The following SYN3 variants were observed in gnomAD, a reference collection of about 807,000 sequenced individuals.
SYN3 encodes synapsin-3.
Under a neutral mutation model 65.8 loss-of-function variants are expected in SYN3, and 35 were observed. The observed-to-expected ratio is 0.53, with a 90% CI of 0.41 to 0.70. The LOEUF (loss-of-function observed/expected upper bound fraction) is 0.70. Among genes scored for constraint, SYN3 ranks in the 30% least tolerant of loss-of-function variants. The pLI, the probability that SYN3 is intolerant of heterozygous loss-of-function variation, is 0.00. For synonymous variants in SYN3, 270 were observed against 292.9 expected, an observed-to-expected ratio of 0.92 and a Z score of 0.80; for missense variants, 680 against 749.0, an observed-to-expected ratio of 0.91 and a Z score of 1.08.
chr22:32,976,919 G>A (rs1314330228), intron 3 of SYN3, among the ~76,000 whole-genome samples: 1 of 151,992 alleles, frequency 6.6e-6, no homozygotes, highest in Non-Finnish European at 1.5e-5. Context: ...CCCAAAATGT[G>A]AGGCCAGCTC....
chr22:33,011,115 A>T (rs952823585), intron 1 of SYN3, among the ~76,000 whole-genome samples: 6 of 152,122 alleles, frequency 3.9e-5, no homozygotes, highest in African/African-American at 1.4e-4. Flanking sequence ...TCCAATATTG[A>T]ACAGAAATCA....
chr22:33,042,465 G>C (rs532778362), intron 1 of SYN3, among the ~76,000 whole-genome samples: 3 of 152,332 alleles, frequency 2.0e-5, no homozygotes, highest in African/African-American at 7.2e-5. Flanking sequence ...CCAAACGGAC[G>C]TGGTAAATCA....
chr22:32,794,143 G>A (rs181392020), intron 6 of SYN3, among the ~76,000 whole-genome samples: 2 of 152,216 alleles, frequency 1.3e-5, no homozygotes, highest in African/African-American at 4.8e-5. Context: ...CAAAGCTTTT[G>A]CTTCCATGAA....
chr22:32,851,163 C>A (rs368290813), intron 6 of SYN3, among the ~76,000 whole-genome samples: 7 of 152,146 alleles, frequency 4.6e-5, no homozygotes, highest in African/African-American at 1.4e-4. Context: ...CACTTTGCAA[C>A]CTCTGGCAGA....
intron 6 of SYN3, among the ~76,000 whole-genome samples, chr22:32,857,059 G>A (rs1246745844): frequency 6.6e-6 from 1 of 152,180 alleles, no homozygotes; most frequent in Non-Finnish European, 1.5e-5. Flanking sequence ...CCATTCATCT[G>A]TTGATGGGCA....
intron 8 of SYN3, 45 bp from the exon 9 acceptor site, chr22:32,538,155 T>G: frequency 6.4e-7 from 1 of 1,552,518 alleles, no homozygotes; most frequent in Non-Finnish European, 8.9e-7. Context: ...GGGACCCTCG[T>G]CACTGATCTG....
chr22:32,785,308 T>C (rs1479137443), intron 6 of SYN3, among the ~76,000 whole-genome samples: 1 of 152,150 alleles, frequency 6.6e-6, no homozygotes, highest in Non-Finnish European at 1.5e-5. Flanking sequence ...TTGCCATTTT[T>C]TTCCTTGTGA....
chr22:32,616,630 T>A (rs1317580513), intron 6 of SYN3, among the ~76,000 whole-genome samples: 1 of 150,572 alleles, frequency 6.6e-6, no homozygotes, highest in Non-Finnish European at 1.5e-5. Context: ...GGGGACCAGA[T>A]CGCCTCTCTG....
At chr22:32,729,720 G>T (rs549905975) in intron 6 of SYN3, among the ~76,000 whole-genome samples, 1 of 152,282 alleles carries the variant, frequency 6.6e-6, no homozygotes, top group East Asian at 1.9e-4. Flanking sequence ...GCATCCACTT[G>T]CTCAGCAGGC....
At chr22:32,519,919 T>G (rs367908491) in intron 12 of SYN3, among the ~76,000 whole-genome samples, 122 of 152,258 alleles carry the variant, frequency 8.0e-4, no homozygotes, top group African/African-American at 2.8e-3. Context: ...GGGCTTCTAC[T>G]GAGCACCTAT....
At chr22:32,542,994 G>A (rs998012015) in intron 7 of SYN3, among the ~76,000 whole-genome samples, 11 of 151,630 alleles carry the variant, frequency 7.3e-5, no homozygotes, top group African/African-American at 9.8e-5. Context: ...CTGGGTCAGA[G>A]ACGGGCAGAG....
At chr22:32,693,312 G>A (rs887077720) in intron 6 of SYN3, among the ~76,000 whole-genome samples, 93 of 152,328 alleles carry the variant, frequency 6.1e-4, no homozygotes, top group African/African-American at 2.2e-3. Flanking sequence ...TCACAGGCAG[G>A]TAGTGTAGAG....
chr22:32,748,036 A>T (rs922918605), intron 6 of SYN3, among the ~76,000 whole-genome samples: 3 of 152,200 alleles, frequency 2.0e-5, no homozygotes, highest in African/African-American at 7.2e-5. Context: ...ATTGTGGAGC[A>T]GTGAAAAGAG....
chr22:32,820,075 T>C (rs1204691950), intron 6 of SYN3, among the ~76,000 whole-genome samples: 1 of 151,900 alleles, frequency 6.6e-6, no homozygotes, highest in African/African-American at 2.4e-5. Flanking sequence ...AGTGGGTGCT[T>C]TTCTGATTCC....
At chr22:32,783,320 C>T (rs2046118356) in intron 6 of SYN3, 1 of 152,184 alleles carries the variant, frequency 6.6e-6, no homozygotes. Flanking sequence ...TTGGAGTACA[C>T]TTGCTTCATC....
At chr22:33,026,014 A>C (rs2053636814) in intron 1 of SYN3, among the ~76,000 whole-genome samples, 3 of 152,302 alleles carry the variant, frequency 2.0e-5, no homozygotes, top group Non-Finnish European at 1.5e-5. Context: ...CTGTCCCACG[A>C]ATCCAAGGAG....
At chr22:32,604,497 T>C (rs1480154571) in intron 6 of SYN3, among the ~76,000 whole-genome samples, 1 of 148,112 alleles carries the variant, frequency 6.8e-6, no homozygotes, top group Non-Finnish European at 1.5e-5. Context: ...CCTCACACTC[T>C]TTTCTAGGCC....
At chr22:32,967,853 A>C (rs1404879540) in intron 3 of SYN3, among the ~76,000 whole-genome samples, 1 of 152,242 alleles carries the variant, frequency 6.6e-6, no homozygotes, top group Admixed American at 6.5e-5. Flanking sequence ...CCAGACCCCA[A>C]ATGGTACAGA....
chr22:32,533,416 A>T (rs918717427), intron 10 of SYN3, among the ~76,000 whole-genome samples: 1 of 152,122 alleles, frequency 6.6e-6, no homozygotes, highest in African/African-American at 2.4e-5. Context: ...CAAATGATGG[A>T]CTGTCTGCAT....
Sources: allele counts gnomAD v4.1 joint callset (sites outside exome capture counted in the v4.1 genomes callset), GRCh38; gene constraint gnomAD v4.1.1; transcripts MANE v1.5; gene names NCBI Gene and HGNC (gene_info 2026-07-23, HGNC 2026-07-21).